CCDC6: variants seen among roughly 807,000 people sequenced by gnomAD.
CCDC6 encodes the protein coiled-coil domain-containing protein 6.
A neutral mutation model predicts 56.6 loss-of-function variants in CCDC6; 20 were observed. The observed-to-expected ratio is 0.35, with a 90% confidence interval of 0.25 to 0.51. The LOEUF (loss-of-function observed/expected upper bound fraction) is 0.51. Ranked by LOEUF, CCDC6 falls within the 20% of genes least tolerant of loss-of-function variation. CCDC6 has a pLI of 0.95. For synonymous variants in CCDC6, 241 were observed against 234.4 expected (o/e 1.03, Z -0.26); for missense variants, 367 against 601.1 (o/e 0.61, Z 4.07).
chr10:59,885,972 C>T (rs1374237025), intron 1 of CCDC6, among the ~76,000 whole-genome samples: 1 of 137,512 alleles, frequency 7.3e-6, no homozygotes, highest in Non-Finnish European at 1.5e-5. Context: ...GTCTCAAAAC[C>T]TCTTAGCACA....
At chr10:59,798,846 A>G (rs916358268) in intron 7 of CCDC6, among the ~76,000 whole-genome samples, 2 of 137,182 alleles carry the variant, frequency 1.5e-5, no homozygotes, top group Non-Finnish European at 3.1e-5. Context: ...TACAAAAACT[A>G]GGTGGGCGTG....
intron 4 of CCDC6, among the ~76,000 whole-genome samples, chr10:59,814,122 T>C (rs1215799788): frequency 6.6e-6 from 1 of 152,232 alleles, no homozygotes; most frequent in Non-Finnish European, 1.5e-5. Context: ...AAATGTTTGC[T>C]GTTGAGTGAC....
At chr10:59,862,040 A>G (rs1176792798) in intron 1 of CCDC6, among the ~76,000 whole-genome samples, 6 of 152,220 alleles carry the variant, frequency 3.9e-5, no homozygotes, top group Non-Finnish European at 5.9e-5. Context: ...CAAACTAGAG[A>G]AAATCGAAGA....
intron 1 of CCDC6, among the ~76,000 whole-genome samples, chr10:59,873,480 G>A (rs1250804233): frequency 1.3e-5 from 2 of 152,098 alleles, no homozygotes; most frequent in Non-Finnish European, 2.9e-5. Flanking sequence ...AGGTTTCCAA[G>A]GGAGAACAAC....
chr10:59,891,300 A>G (rs1250605689), intron 1 of CCDC6, among the ~76,000 whole-genome samples: 1 of 152,210 alleles, frequency 6.6e-6, no homozygotes, highest in East Asian at 1.9e-4. Flanking sequence ...GAAAATCAGA[A>G]AGCAGTTAAT....
rs756445063 is a variant in CCDC6 at position 59,794,534 on chromosome 10, A to T, written c.1169T>A (p.Met390Lys). The T allele has an allele frequency of 1.2e-6, 2 of 1,614,164 alleles. No homozygotes were observed. Among genetic ancestry groups the T allele is most frequent in the Middle Eastern group, 1.6e-4 (1 of 6,062 alleles). Residue 390 changes from methionine to lysine, a missense_variant, in exon 8 of 9, where the codon ATG (methionine) becomes AAG (lysine). Physicochemically the swap from Met to Lys is moderately conservative, Grantham distance 95. This residue lies in a region of CCDC6 where 79 missense variants were observed against 83.9 expected (regional missense o/e 0.94). Coordinates refer to ENST00000263102, the MANE Select transcript of CCDC6 (RefSeq NM_005436.5). ...TPPTSLTRAG[M>K]SYYNSPGLHV... ...AAGACCCGGGGAATTGTAATAAGAC[A>T]TTCCAGCTCTAGTCAGTGAAGTTGG...
chr10:59,901,668 C>T (rs915448246), intron 1 of CCDC6, among the ~76,000 whole-genome samples: 3 of 152,152 alleles, frequency 2.0e-5, no homozygotes, highest in African/African-American at 7.2e-5. Context: ...AGGTCTGAAA[C>T]TGCCTGGAAG....
At chr10:59,839,746 G>C (rs748032951) in intron 2 of CCDC6, among the ~76,000 whole-genome samples, 48 of 152,270 alleles carry the variant, frequency 3.2e-4, no homozygotes, top group Non-Finnish European at 6.2e-4. Flanking sequence ...ATTGTGGTTT[G>C]TATTTTCATT....
At chr10:59,868,192 C>T (rs752833347) in intron 1 of CCDC6, among the ~76,000 whole-genome samples, 7 of 152,210 alleles carry the variant, frequency 4.6e-5, no homozygotes, top group Non-Finnish European at 8.8e-5. Flanking sequence ...ACAATCTGAG[C>T]TCATCCCATC....
intron 1 of CCDC6, among the ~76,000 whole-genome samples, chr10:59,882,380 CCG>C (rs150551164): frequency 5.7e-4 from 6 of 10,594 alleles, no homozygotes; most frequent in Admixed American, 1.5e-3. Flanking sequence ...GAAAGGAAAG[CCG>C]CGGGGAGAAG....
At chr10:59,856,879 AC>A (rs1254392781) in intron 1 of CCDC6, among the ~76,000 whole-genome samples, 2 of 152,240 alleles carry the variant, frequency 1.3e-5, no homozygotes, top group African/African-American at 4.8e-5. Context: ...GAAAATGTGA[AC>A]AAAAAAATTA....
chr10:59,889,947 C>T (rs1255508255), intron 1 of CCDC6, among the ~76,000 whole-genome samples: 1 of 152,202 alleles, frequency 6.6e-6, no homozygotes, highest in Non-Finnish European at 1.5e-5. Context: ...ACTGGGATGA[C>T]CAATCTCTGA....
At chr10:59,873,747 G>C (rs946509156) in intron 1 of CCDC6, among the ~76,000 whole-genome samples, 2 of 151,960 alleles carry the variant, frequency 1.3e-5, no homozygotes, top group African/African-American at 4.8e-5. Flanking sequence ...AGTAAATGCA[G>C]GTTTTTCAAT....
chr10:59,855,367 A>T (rs946161356), intron 1 of CCDC6, among the ~76,000 whole-genome samples: 1 of 152,182 alleles, frequency 6.6e-6, no homozygotes, highest in Non-Finnish European at 1.5e-5. Flanking sequence ...GGAGTTCAAG[A>T]CTAGACTGGC....
intron 2 of CCDC6, among the ~76,000 whole-genome samples, chr10:59,837,412 A>G (rs1303026188): frequency 2.6e-5 from 4 of 152,308 alleles, no homozygotes; most frequent in South Asian, 2.1e-4. Flanking sequence ...CAAGGCTTCT[A>G]GCCACTACCT....
intron 1 of CCDC6, among the ~76,000 whole-genome samples, chr10:59,877,311 A>C (rs1229679128): frequency 6.6e-6 from 1 of 152,206 alleles, no homozygotes; most frequent in Non-Finnish European, 1.5e-5. Context: ...CAAGAGTAGG[A>C]TGTCTGCGAT....
chr10:59,897,078 C>G (rs941414176), intron 1 of CCDC6, among the ~76,000 whole-genome samples: 1 of 152,062 alleles, frequency 6.6e-6, no homozygotes, highest in African/African-American at 2.4e-5. Flanking sequence ...ACAATAAAAT[C>G]ACCTAGTCAA....
chr10:59,879,511 C>T (rs144845112), intron 1 of CCDC6, among the ~76,000 whole-genome samples: 1 of 152,162 alleles, frequency 6.6e-6, no homozygotes, highest in Admixed American at 6.5e-5. Context: ...AACATCTACA[C>T]CAAACAAGGT....
At chr10:59,849,131 T>C (rs2071017450) in intron 2 of CCDC6, among the ~76,000 whole-genome samples, 1 of 152,248 alleles carries the variant, frequency 6.6e-6, no homozygotes, top group African/African-American at 2.4e-5. Context: ...TTAGCTCTAA[T>C]GTAGGTTCAT....
Sources: gnomAD v4.1 joint callset for allele counts (sites outside exome capture counted in the v4.1 genomes callset) on GRCh38, gnomAD v4.1.1 for gene constraint, gnomAD v4.1.1 regional missense constraint, MANE v1.5 for transcripts, NCBI Gene and HGNC (gene_info 2026-07-23, HGNC 2026-07-21) for gene names.